The following GSAP variants were observed in gnomAD, a reference collection of about 807,000 sequenced individuals.
GSAP encodes the protein gamma-secretase activating protein, also known as gamma-secretase-activating protein.
GSAP carries 118 observed loss-of-function variants against 131.7 expected under a neutral mutation model. The ratio of observed to expected loss-of-function variants is 0.90; its 90% CI spans 0.77 to 1.04. The LOEUF (loss-of-function observed/expected upper bound fraction) is 1.04, where lower values mean the gene tolerates loss of function less well. Ranked by LOEUF, GSAP falls within the 50% of genes least tolerant of loss-of-function variation. GSAP has a pLI of 0.00. For missense variants in GSAP, 1,019 were observed against 1,013.2 expected, an observed-to-expected ratio of 1.01 and a Z score of -0.08; for synonymous variants, 381 against 363.4, an observed-to-expected ratio of 1.05 and a Z score of -0.55.
chr7:77,416,333 G>A lies in GSAP; in HGVS notation c.-12C>T. ...AGGCGAAGAGCCATCGCCCGGACAC[G>A]ACCACCGGGCGGCTCTGGGGCCCCG... On this transcript the variant is annotated 5_prime_UTR_variant, in exon 1 of 31. Transcript: ENST00000257626. 1 of 1,462,416 alleles carries A rather than the reference G, an allele frequency of 6.8e-7. No homozygotes were observed. 90.6% of individuals were successfully genotyped at this position (1,462,416 alleles called of 1,614,324 possible).
At chr7:77,387,015 T>A (rs546290978) in intron 6 of GSAP, among the ~76,000 whole-genome samples, 24 of 152,362 alleles carry the variant, frequency 1.6e-4, no homozygotes, top group African/African-American at 5.3e-4. Flanking sequence ...ATGAAGTTGA[T>A]AAATTCAGGG....
chr7:77,339,625 G>A (rs1409958786), intron 19 of GSAP, among the ~76,000 whole-genome samples: 1 of 152,072 alleles, frequency 6.6e-6, no homozygotes, highest in African/African-American at 2.4e-5. Flanking sequence ...AAATACAAAA[G>A]CTATGGGTAG....
chr7:77,391,593 G>A (rs1216574370), intron 5 of GSAP, among the ~76,000 whole-genome samples: 2 of 152,166 alleles, frequency 1.3e-5, no homozygotes, highest in Non-Finnish European at 2.9e-5. Flanking sequence ...GGAGGCCAAG[G>A]CAGGAAGATC....
chr7:77,382,248 A>G (rs1797910644), intron 7 of GSAP, among the ~76,000 whole-genome samples: 1 of 152,090 alleles, frequency 6.6e-6, no homozygotes, highest in Admixed American at 6.6e-5. Context: ...ACTATGACAG[A>G]CATCCAAAAG....
chr7:77,330,011 G>C (rs558451712), intron 20 of GSAP: 1 of 348,104 alleles, frequency 2.9e-6, no homozygotes, highest in Admixed American at 4.8e-5. Context: ...CTTCTACTAT[G>C]AATGTGCTGT....
chr7:77,319,185 G>A (rs1787273809), intron 26 of GSAP, among the ~76,000 whole-genome samples: 1 of 152,088 alleles, frequency 6.6e-6, no homozygotes, highest in Non-Finnish European at 1.5e-5. Context: ...AAACATATAA[G>A]GAACTCAAAC....
chr7:77,409,220 G>A (rs914318485), intron 1 of GSAP, among the ~76,000 whole-genome samples: 7 of 152,070 alleles, frequency 4.6e-5, no homozygotes, highest in Middle Eastern at 3.2e-3. Flanking sequence ...GATGACTCAC[G>A]CCTGTAATCT....
Position 77,352,227 on chromosome 7 carries a change from A to G in GSAP, c.1491+717T>C, listed in dbSNP as rs565335571. The stretch of plus-strand genomic sequence containing the variant: ...CCTATGACTGTGTTATTTAAATTCA[A>G]TTTATTTTTCTAAGTACCTTTTTGA... On this transcript the variant is annotated intron_variant, in intron 18 of 30. Transcript: ENST00000257626. Among the ~76,000 whole-genome samples, 3 of 152,316 alleles carry G rather than the reference A, an allele frequency of 2.0e-5. No individual in the cohort carries two copies. The East Asian group carries it at 5.8e-4, about 29-fold the overall frequency.
chr7:77,361,696 A>G (rs1379819885), intron 13 of GSAP, among the ~76,000 whole-genome samples: 1 of 152,210 alleles, frequency 6.6e-6, no homozygotes, highest in Non-Finnish European at 1.5e-5. Context: ...TACTGCACAA[A>G]TACTCATTTT....
At chr7:77,352,377 C>T (rs1793014797) in intron 18 of GSAP, among the ~76,000 whole-genome samples, 1 of 152,240 alleles carries the variant, frequency 6.6e-6, no homozygotes, top group Non-Finnish European at 1.5e-5. Context: ...GCTCTGTCTA[C>T]TGTACCATAT....
rs567996395 is a variant in GSAP, at chr7:77,399,599, C to T, written c.244-2184G>A. Reference sequence around the variant, plus strand: ...GGTGAGGAAGGAAAGCTATTGGGACCGTGCTTATGCTTATCCCATTACTTA... The same window carrying T: ...GGTGAGGAAGGAAAGCTATTGGGACTGTGCTTATGCTTATCCCATTACTTA... On this transcript the variant is annotated intron_variant, in intron 3 of 30. Transcript: ENST00000257626. Among the ~76,000 whole-genome samples, 10 of 151,640 alleles carry T rather than the reference C, an allele frequency of 6.6e-5. No homozygotes were observed. The East Asian group carries it at 1.8e-3, about 27-fold the overall frequency.
chr7:77,350,368 A>G (rs973119741), intron 18 of GSAP, among the ~76,000 whole-genome samples: 21 of 150,298 alleles, frequency 1.4e-4, no homozygotes, highest in Admixed American at 5.3e-4. Context: ...GCACATGTAT[A>G]CATATGTAAC....
intron 5 of GSAP, among the ~76,000 whole-genome samples, chr7:77,395,094 G>C (rs1408526239): frequency 6.6e-6 from 1 of 152,222 alleles, no homozygotes; most frequent in Non-Finnish European, 1.5e-5. Flanking sequence ...AAATTGGCCT[G>C]AAAGTAAATT....
intron 6 of GSAP, among the ~76,000 whole-genome samples, chr7:77,386,260 C>T (rs1798550499): frequency 6.6e-6 from 1 of 152,098 alleles, no homozygotes; most frequent in South Asian, 2.1e-4. Context: ...CTTCATAGTC[C>T]ACTTTATACA....
intron 5 of GSAP, 61 bp downstream of exon 5, chr7:77,396,921 A>G: frequency 1.2e-6 from 1 of 842,680 alleles, no homozygotes; most frequent in Non-Finnish European, 1.9e-6. Flanking sequence ...TGGTAGTATA[A>G]TAAATCATCT....
chr7:77,351,162 G>A, intron 18 of GSAP: 1 of 980,464 alleles, frequency 1.0e-6, no homozygotes. Context: ...GTTCTTCAAT[G>A]TGACAGTTGA....
Position 77,355,434 on chromosome 7 carries a change from G to GAAA in GSAP, c.1121-5_1121-4insTTT. 1 of 1,424,758 alleles carries GAAA rather than the reference G, an allele frequency of 7.0e-7. No individual in the cohort carries two copies. Among genetic ancestry groups the GAAA allele is most frequent in the Admixed American group, 2.3e-5 (1 of 42,590 alleles). 88.3% of individuals were successfully genotyped at this position (1,424,758 alleles called of 1,614,324 possible). A position where few individuals can be genotyped will look rare whatever the true frequency, so the allele number is the denominator to read the frequency against. On this transcript the variant is annotated splice_polypyrimidine_tract_variant and splice_region_variant and intron_variant, in intron 15 of 30. Transcript: ENST00000257626. ...ATATCAATCATTTCATTATTTCCTG[G>GAAA]CAAAAAAAAAAAAAACAGTAGATCA...
intron 12 of GSAP, among the ~76,000 whole-genome samples, chr7:77,365,487 G>A (rs534827998): frequency 5.3e-5 from 8 of 152,184 alleles, no homozygotes; most frequent in African/African-American, 1.4e-4. Flanking sequence ...TAGGTATTTC[G>A]TTTTACTGTT....
intron 12 of GSAP, among the ~76,000 whole-genome samples, chr7:77,368,291 T>C (rs1318211346): frequency 6.6e-6 from 1 of 152,208 alleles, no homozygotes; most frequent in Non-Finnish European, 1.5e-5. Flanking sequence ...GCGCTGCATT[T>C]ACTCGCCCCT....
Sources: allele counts gnomAD v4.1 joint callset (sites outside exome capture counted in the v4.1 genomes callset), GRCh38; gene constraint gnomAD v4.1.1; transcripts MANE v1.5; gene names NCBI Gene and HGNC (gene_info 2026-07-23, HGNC 2026-07-21).